The following POU6F2 variants were observed in gnomAD, a reference collection of about 807,000 sequenced individuals.
POU6F2 encodes POU class 6 homeobox 2.
POU6F2 carries 31 observed loss-of-function variants against 71.3 expected under a neutral mutation model. The observed-to-expected ratio is 0.43, with a 90% CI of 0.33 to 0.59. The LOEUF (loss-of-function observed/expected upper bound fraction) is 0.59, where lower values mean the gene tolerates loss of function less well. POU6F2 is among the 20% of genes least tolerant of loss of function. The probability of loss-of-function intolerance (pLI) is 0.04; values close to 1 mark genes in which losing one functional copy is unlikely to be tolerated. For synonymous variants in POU6F2, 347 were observed against 355.7 expected, an observed-to-expected ratio of 0.98 and a Z score of 0.27; for missense variants, 783 against 856.8, an observed-to-expected ratio of 0.91 and a Z score of 1.07.
chr7:39,381,727 T>C (rs752474323), intron 5 of POU6F2, among the ~76,000 whole-genome samples: 1 of 152,130 alleles, frequency 6.6e-6, no homozygotes, highest in Non-Finnish European at 1.5e-5. Flanking sequence ...ATTTGCATGA[T>C]TGCAGGGGAC....
intron 1 of POU6F2, among the ~76,000 whole-genome samples, chr7:39,056,819 T>C (rs754580521): frequency 6.6e-6 from 1 of 152,050 alleles, no homozygotes; most frequent in Non-Finnish European, 1.5e-5. Context: ...CCAAGTCAAC[T>C]GAGATCAGCA....
intron 4 of POU6F2, among the ~76,000 whole-genome samples, chr7:39,305,240 A>C (rs1367654024): frequency 6.6e-6 from 1 of 152,368 alleles, no homozygotes; most frequent in East Asian, 1.9e-4. Context: ...TTTACTCTTG[A>C]AGAAGCTAAG....
intron 5 of POU6F2, among the ~76,000 whole-genome samples, chr7:39,387,892 G>A (rs1274022328): frequency 1.3e-5 from 2 of 151,996 alleles, no homozygotes; most frequent in Non-Finnish European, 2.9e-5. Flanking sequence ...TCCTGAGGCC[G>A]CTCCTAGTTC....
intron 1 of POU6F2, among the ~76,000 whole-genome samples, chr7:39,014,416 G>A (rs971458225): frequency 3.9e-5 from 6 of 152,056 alleles, no homozygotes; most frequent in Non-Finnish European, 8.8e-5. Context: ...AAAAGAAGGG[G>A]ATAAAATTAA....
chr7:39,042,512 C>G (rs1790211358), intron 1 of POU6F2, among the ~76,000 whole-genome samples: 1 of 151,964 alleles, frequency 6.6e-6, no homozygotes, highest in Non-Finnish European at 1.5e-5. Flanking sequence ...CGAGAGTGAA[C>G]AGAGCCCTGC....
At chr7:39,110,268 CAA>C (rs35337549) in intron 2 of POU6F2, among the ~76,000 whole-genome samples, 31,851 of 103,412 alleles carry the variant, frequency 0.31, 3,473 homozygotes, top group East Asian at 0.55. Context: ...AACTCCGTCT[CAA>C]AAAAAAAAAA....
chr7:39,443,986 G>A (rs1377919869), intron 7 of POU6F2, among the ~76,000 whole-genome samples: 2 of 152,152 alleles, frequency 1.3e-5, no homozygotes, highest in Non-Finnish European at 2.9e-5. Flanking sequence ...ATGAAGTAAA[G>A]TATAGGACTG....
At chr7:38,987,911 G>A (rs1430786026) in intron 1 of POU6F2, among the ~76,000 whole-genome samples, 1 of 152,110 alleles carries the variant, frequency 6.6e-6, no homozygotes, top group Non-Finnish European at 1.5e-5. Flanking sequence ...CATTGGGTAG[G>A]TGTGTTCTTT....
intron 6 of POU6F2, among the ~76,000 whole-genome samples, chr7:39,423,675 C>T (rs1787905660): frequency 6.6e-6 from 1 of 152,142 alleles, no homozygotes; most frequent in Non-Finnish European, 1.5e-5. Flanking sequence ...ATACTTAAAG[C>T]TTCGAGTATA....
intron 4 of POU6F2, among the ~76,000 whole-genome samples, chr7:39,271,562 C>T (rs566458509): frequency 4.2e-4 from 63 of 150,888 alleles, no homozygotes; most frequent in Admixed American, 1.4e-3. Context: ...ACAGAGTGCC[C>T]GGGCCTGGCC....
intron 4 of POU6F2, among the ~76,000 whole-genome samples, chr7:39,303,300 G>A (rs1309931083): frequency 1.3e-5 from 2 of 151,790 alleles, no homozygotes; most frequent in East Asian, 1.9e-4. Flanking sequence ...GGCACCCTCC[G>A]CCGCGCCTGG....
intron 2 of POU6F2, among the ~76,000 whole-genome samples, chr7:39,134,600 G>C (rs1343690689): frequency 6.6e-6 from 1 of 152,138 alleles, no homozygotes; most frequent in Admixed American, 6.6e-5. Flanking sequence ...TGTATCTATA[G>C]CTCAAAGTCC....
At chr7:39,456,503 T>G (rs1248424610) in intron 8 of POU6F2, among the ~76,000 whole-genome samples, 5 of 152,248 alleles carry the variant, frequency 3.3e-5, no homozygotes, top group Non-Finnish European at 7.3e-5. Flanking sequence ...CGTCTTTTGA[T>G]GAATTCAAAA....
Position 39,452,403 on chromosome 7 carries a change from G to T in POU6F2, c.1489+702G>T, listed in dbSNP as rs144143421. On this transcript the variant is annotated intron_variant, in intron 8 of 9. Transcript: ENST00000518318. ...GTTAAGATGGATGGGACAATGGTCT[G>T]ATTTAATGTCAGTCACGTTTAGTGC... Among the ~76,000 whole-genome samples, 43 of 152,340 alleles carry T rather than the reference G, an allele frequency of 2.8e-4. No individual in the cohort carries two copies. The East Asian group carries it at 6.4e-3, about 23-fold the overall frequency.
chr7:39,071,654 A>AACACAC lies in POU6F2; in HGVS notation c.106-14166_106-14161dup, dbSNP rs10522287. 3.2e-3 allele frequency among the ~76,000 whole-genome samples: 458 copies of AACACAC among 142,128 alleles called. 3 individuals carry two copies. Among genetic ancestry groups the AACACAC allele is most frequent in the Admixed American group, 4.3e-3 (62 of 14,324 alleles). The allele number at this position is 142,128 out of a possible 152,430, so 93.2% of individuals were successfully genotyped here. On this transcript the variant is annotated intron_variant, in intron 1 of 9. Transcript: ENST00000518318. ...CATGGTGAAACCCCATCTCTAAAGA[A>AACACAC]ACACACACACACACACACACACACA...
chr7:39,341,810 A>T (rs974240774), intron 5 of POU6F2, among the ~76,000 whole-genome samples: 1 of 152,166 alleles, frequency 6.6e-6, no homozygotes, highest in African/African-American at 2.4e-5. Flanking sequence ...TCTGTTGGCC[A>T]GTGAGATCCC....
chr7:39,276,454 G>T (rs1317377544), intron 4 of POU6F2, among the ~76,000 whole-genome samples: 2 of 151,962 alleles, frequency 1.3e-5, no homozygotes, highest in Middle Eastern at 3.2e-3. Flanking sequence ...ACTGTTGGTG[G>T]AACTGTAAAC....
chr7:39,373,112 G>A (rs1262138218), intron 5 of POU6F2, among the ~76,000 whole-genome samples: 2 of 152,248 alleles, frequency 1.3e-5, no homozygotes, highest in Non-Finnish European at 2.9e-5. Flanking sequence ...GCAGATTAAA[G>A]TGTCAGCGTC....
chr7:39,143,476 C>T (rs943131270), intron 2 of POU6F2, among the ~76,000 whole-genome samples: 1 of 152,186 alleles, frequency 6.6e-6, no homozygotes, highest in Non-Finnish European at 1.5e-5. Flanking sequence ...TTAGAAACTT[C>T]AAAGATGATA....
Sources: gnomAD v4.1 joint callset for allele counts (sites outside exome capture counted in the v4.1 genomes callset) on GRCh38, gnomAD v4.1.1 for gene constraint, MANE v1.5 for transcripts, NCBI Gene and HGNC (gene_info 2026-07-23, HGNC 2026-07-21) for gene names.